The following CSPP1 variants were observed in gnomAD, a reference collection of about 807,000 sequenced individuals.
CSPP1 encodes the protein centrosome and spindle pole associated protein 1, also known as centrosome and spindle pole-associated protein 1.
In CSPP1, 126 loss-of-function variants were observed where a neutral mutation model predicts 164.4. The ratio of observed to expected loss-of-function variants is 0.77; its 90% confidence interval spans 0.66 to 0.89. CSPP1 has a LOEUF of 0.89. Ranked by LOEUF, CSPP1 falls within the 40% of genes least tolerant of loss-of-function variation. The pLI is 0.00. For synonymous variants in CSPP1, 472 were observed against 476.7 expected (o/e 0.99, Z 0.13); for missense variants, 1,395 against 1,449.8 (o/e 0.96, Z 0.61).
chr8:67,146,241 G>C (rs955734691), intron 17 of CSPP1, among the ~76,000 whole-genome samples: 11 of 150,580 alleles, frequency 7.3e-5, no homozygotes, highest in Non-Finnish European at 4.4e-5. Flanking sequence ...TCCCGCCTCA[G>C]CTCCCCCAAG....
intron 17 of CSPP1, 84 bp from the exon 18 acceptor site, chr8:67,149,699 A>G (rs1825317030): frequency 4.2e-6 from 4 of 955,528 alleles, no homozygotes; most frequent in African/African-American, 3.4e-5. Flanking sequence ...TTTCTTTCTG[A>G]CTTCCTATTT....
At chr8:67,069,864 T>C (rs530636242) in intron 1 of CSPP1, among the ~76,000 whole-genome samples, 6 of 152,040 alleles carry the variant, frequency 3.9e-5, no homozygotes, top group Admixed American at 3.9e-4. Context: ...TTCGCCATAT[T>C]GGCCAGGCTG....
chr8:67,140,277 G>T (rs1409261806), intron 17 of CSPP1, among the ~76,000 whole-genome samples: 3 of 152,032 alleles, frequency 2.0e-5, no homozygotes, highest in African/African-American at 7.2e-5. Flanking sequence ...TAGAGACGGG[G>T]TTTCACCATG....
intron 1 of CSPP1, among the ~76,000 whole-genome samples, chr8:67,067,422 A>G (rs1393659117): frequency 2.6e-5 from 4 of 152,168 alleles, no homozygotes; most frequent in Non-Finnish European, 5.9e-5. Flanking sequence ...AAATCTCAGC[A>G]TACTTTACGT....
At chr8:67,089,151 A>T (rs1263910829) in intron 4 of CSPP1, among the ~76,000 whole-genome samples, 1 of 152,122 alleles carries the variant, frequency 6.6e-6, no homozygotes, top group Non-Finnish European at 1.5e-5. Context: ...AAAAAAATCA[A>T]ATCTTTTAAT....
chr8:67,131,059 T>C (rs1437032706), intron 15 of CSPP1, among the ~76,000 whole-genome samples: 1 of 152,158 alleles, frequency 6.6e-6, no homozygotes. Context: ...ATTTCTAAAA[T>C]GTTTTACTGT....
chr8:67,094,190 A>G (rs536299677), intron 6 of CSPP1, among the ~76,000 whole-genome samples: 143 of 144,070 alleles, frequency 9.9e-4, no homozygotes, highest in African/African-American at 3.6e-3. Flanking sequence ...CACTTTCTAT[A>G]TCCTTTGTGT....
chr8:67,184,909 C>T (rs1252955575), intron 28 of CSPP1, among the ~76,000 whole-genome samples: 2 of 132,116 alleles, frequency 1.5e-5, no homozygotes, highest in African/African-American at 2.8e-5. Context: ...ACCATCCTGG[C>T]TAACACGGTG....
intron 8 of CSPP1, among the ~76,000 whole-genome samples, chr8:67,104,755 G>A (rs530048922): frequency 1.8e-4 from 26 of 148,290 alleles, no homozygotes; most frequent in African/African-American, 4.7e-4. Context: ...CTCCTGCCTC[G>A]GCCTCCCGAG....
intron 29 of CSPP1, 147 bp from the exon 30 acceptor site, chr8:67,193,317 G>T: frequency 1.8e-6 from 1 of 544,692 alleles, no homozygotes; most frequent in Non-Finnish European, 3.2e-6. Context: ...GGCTGGTCTT[G>T]AACTCCTGAC....
At chr8:67,128,491 A>G (rs1175704684) in intron 15 of CSPP1, among the ~76,000 whole-genome samples, 1 of 150,936 alleles carries the variant, frequency 6.6e-6, no homozygotes, top group Non-Finnish European at 1.5e-5. Flanking sequence ...GTGAGCCAAG[A>G]TCACGCCACT....
At chr8:67,158,199 G>C (rs767073963) in intron 19 of CSPP1, among the ~76,000 whole-genome samples, 4 of 152,126 alleles carry the variant, frequency 2.6e-5, no homozygotes, top group Non-Finnish European at 5.9e-5. Context: ...CCAGAAAAAA[G>C]AGAAAACTGA....
chr8:67,106,543 GAGA>G (rs1815570321), intron 9 of CSPP1, among the ~76,000 whole-genome samples: 2 of 152,002 alleles, frequency 1.3e-5, no homozygotes, highest in Admixed American at 1.3e-4. Flanking sequence ...TGTAGTTTCT[GAGA>G]AGGTGTTTTG....
In CSPP1 at chr8:67,084,915, T is replaced by C. The variant is rs554037188; in HGVS notation, c.200-1092T>C. On this transcript the variant is annotated intron_variant, in intron 3 of 30. Transcript: ENST00000678616. The stretch of plus-strand genomic sequence containing the variant: ...TTTATTATTGAAGGTTTGAAAAGTA[T>C]ATAATTTGATTTTTGATAGCTTTGT... 2.8e-4 allele frequency among the ~76,000 whole-genome samples: 42 copies of C among 152,334 alleles called. No individual in the cohort carries two copies. In the South Asian group the frequency reaches 8.7e-3, roughly 32 times the overall value.
intron 1 of CSPP1, among the ~76,000 whole-genome samples, chr8:67,065,688 G>A (rs1228020395): frequency 3.9e-5 from 6 of 152,142 alleles, no homozygotes; most frequent in African/African-American, 1.4e-4. Context: ...CTGTTGTACA[G>A]GCTGGAGTGC....
rs1375090095 is a variant in CSPP1, at chr8:67,158,578, AAG to A, written c.2379_2380del (p.Lys794ArgfsTer9). The A allele has an allele frequency of 8.7e-6, 14 of 1,600,308 alleles. No individual in the cohort carries two copies. The highest frequency in any genetic ancestry group is 6.7e-5 in the African/African-American group (5 of 74,214). ...AGTATGAAGAGGAACAGGAAAAGAA[AAG>A]AGAGAAAGAGGAGGAGGTACATCTT... ...QEYEEEQEKK[R>X]EKEEEQRLKN... is the part of the protein sequence containing the mutation. On this transcript the variant is annotated frameshift_variant, in exon 20 of 31. Transcript: ENST00000678616. LOFTEE classifies it high-confidence loss of function.
intron 17 of CSPP1, among the ~76,000 whole-genome samples, chr8:67,142,495 T>C (rs1341168393): frequency 6.6e-6 from 1 of 152,186 alleles, no homozygotes; most frequent in Non-Finnish European, 1.5e-5. Context: ...CATATGTCAG[T>C]AGCTTATTTT....
At chr8:67,069,827 T>A (rs1806343958) in intron 1 of CSPP1, among the ~76,000 whole-genome samples, 1 of 151,890 alleles carries the variant, frequency 6.6e-6, no homozygotes, top group Non-Finnish European at 1.5e-5. Flanking sequence ...GCCTGGCTAA[T>A]TTTTGTATTT....
intron 4 of CSPP1, among the ~76,000 whole-genome samples, chr8:67,087,399 T>C (rs577652048): frequency 6.6e-6 from 1 of 152,340 alleles, no homozygotes; most frequent in East Asian, 1.9e-4. Context: ...ATTATGAAGA[T>C]ATATCAGGTA....
Sources: gnomAD v4.1 joint callset for allele counts (sites outside exome capture counted in the v4.1 genomes callset) on GRCh38, gnomAD v4.1.1 for gene constraint, MANE v1.5 for transcripts, NCBI Gene and HGNC (gene_info 2026-07-23, HGNC 2026-07-21) for gene names.